The following FADS3 variants were observed in gnomAD, a reference collection of about 807,000 sequenced individuals.
FADS3 encodes cytochrome b5-related protein.
FADS3 carries 30 observed loss-of-function variants against 60.4 expected under a neutral mutation model. The ratio of observed to expected loss-of-function variants is 0.50; its 90% CI spans 0.37 to 0.67. The LOEUF (loss-of-function observed/expected upper bound fraction) is 0.67, where lower values mean the gene tolerates loss of function less well. Among genes scored for constraint, FADS3 ranks in the 30% least tolerant of loss-of-function variants. The pLI, the probability that FADS3 is intolerant of heterozygous loss-of-function variation, is 0.00. For synonymous variants in FADS3, 234 were observed against 249.3 expected (o/e 0.94, Z 0.58); for missense variants, 432 against 598.3 (o/e 0.72, Z 2.90).
chr11:61,873,736 G>A lies in FADS3; in HGVS notation c.*78C>T. On this transcript the variant is annotated 3_prime_UTR_variant, in exon 12 of 12. Transcript: ENST00000278829. ...CACCCCCAGGCTGGCCAGTGGAGGG[G>A]TGAGGGTATCGATCCCGCCGGGGGC... 3 of 995,836 alleles carry A rather than the reference G, an allele frequency of 3.0e-6. No individual in the cohort carries two copies. The highest frequency in any genetic ancestry group is 4.7e-6 in the Non-Finnish European group (3 of 638,066). 61.7% of individuals were successfully genotyped at this position (995,836 alleles called of 1,614,324 possible).
At chr11:61,878,126 C>A in intron 6 of FADS3, 29 bp downstream of exon 6, 1 of 1,607,618 alleles carries the variant, frequency 6.2e-7, no homozygotes, top group South Asian at 1.1e-5. Flanking sequence ...AGGCACTCCC[C>A]CACCCCAGAA....
Position 61,877,419 on chromosome 11 carries a change from C to T in FADS3, c.885+92G>A, listed in dbSNP as rs1295893415. On this transcript the variant is annotated intron_variant, in intron 7 of 11. Coordinates refer to ENST00000278829, the MANE Select transcript of FADS3 (RefSeq NM_021727.5). This position sits in a 1 kb window ranked among gnomAD's most constrained non-coding sequence, Gnocchi z 4.7. ...CACACTGTTGCACGCACATGTGCAC[C>T]CTGTTTGCCTTCATGGGCAGGTACT... 3 of 1,193,432 alleles carry T rather than the reference C, an allele frequency of 2.5e-6. No homozygotes were observed. The highest frequency in any genetic ancestry group is 1.5e-5 in the African/African-American group (1 of 67,000). The allele number at this position is 1,193,432 out of a possible 1,614,324, so 73.9% of individuals were successfully genotyped here.
At chr11:61,889,644 C>A (rs1175646965) in intron 1 of FADS3, among the ~76,000 whole-genome samples, 1 of 151,738 alleles carries the variant, frequency 6.6e-6, no homozygotes, top group African/African-American at 2.4e-5. Context: ...AAGACTCTGT[C>A]TCCGGCGGTT....
chr11:61,878,349 G>A (rs1937991234), intron 5 of FADS3, 134 bp from the exon 6 acceptor site: 1 of 1,367,312 alleles, frequency 7.3e-7, no homozygotes, highest in Non-Finnish European at 1.0e-6. Context: ...GTCGTCCCCA[G>A]CAGGTTGGGA....
intron 1 of FADS3, among the ~76,000 whole-genome samples, chr11:61,888,580 A>T (rs1938389703): frequency 6.6e-6 from 1 of 152,206 alleles, no homozygotes; most frequent in Non-Finnish European, 1.5e-5. Flanking sequence ...CCTACTTCAG[A>T]TAGGACCGTA....
At chr11:61,879,654 G>A (rs1156711167) in intron 2 of FADS3, 145 bp from the exon 3 acceptor site, 6 of 778,386 alleles carry the variant, frequency 7.7e-6, no homozygotes, top group Non-Finnish European at 1.2e-5. Context: ...AGCCCGGGGT[G>A]TGAGCTGGAG....
At chr11:61,888,132 C>G (rs1438169016) in intron 1 of FADS3, among the ~76,000 whole-genome samples, 1 of 152,256 alleles carries the variant, frequency 6.6e-6, no homozygotes, top group East Asian at 1.9e-4. Flanking sequence ...CTCAGACAAA[C>G]CTGGCCAAGG....
chr11:61,890,631 C>A (rs1938472222), intron 1 of FADS3, among the ~76,000 whole-genome samples: 1 of 152,172 alleles, frequency 6.6e-6, no homozygotes, highest in African/African-American at 2.4e-5. Context: ...CCAGGAGAGG[C>A]CCACCCAGCC....
In FADS3 at chr11:61,876,119, G is replaced by T; in HGVS notation, c.1152C>A (p.Ile384=). The change falls in exon 10 of 12, where the codon ATC becomes ATA. Residue 384 remains isoleucine, a synonymous_variant. Transcript: ENST00000278829. The surrounding 1 kb of genome is among the most constrained non-coding windows in gnomAD (Gnocchi z 5.7). ...NWFSGHLNFQ[I]EHHLFPRMPR... is the part of the protein sequence containing the mutation. The stretch of plus-strand genomic sequence containing the variant: ...CCAGCACCCACACTCACTGGTGCTC[G>T]ATCTGGAAGTTGAGGTGCCCGCTGA... 2 of 1,609,096 alleles carry T rather than the reference G, an allele frequency of 1.2e-6. No individual in the cohort carries two copies. The highest frequency in any genetic ancestry group is 2.2e-5 in the South Asian group (2 of 90,612).
In FADS3 at chr11:61,875,902, C is replaced by A. The variant is rs1489554088; in HGVS notation, c.1235G>T (p.Gly412Val). 1 of 1,613,820 alleles carries A rather than the reference C, an allele frequency of 6.2e-7. No individual in the cohort carries two copies. The highest frequency in any genetic ancestry group is 8.5e-7 in the Non-Finnish European group (1 of 1,180,030). ...GAAGGGCTTCACTTCGTAGCTGAGG[C>A]CGTGCTTGGCACACAGCGACTTGAC... The part of the protein sequence containing the change: ...PLVKSLCAKH[G>V]LSYEVKPFLT... Residue 412 changes from glycine to valine, a missense_variant, in exon 11 of 12, where the codon GGC becomes GTC. Physicochemically the swap from Gly to Val is moderately radical, Grantham distance 109. This residue lies in a region of FADS3 where 63 missense variants were observed against 64.5 expected (regional missense o/e 0.98). Coordinates refer to ENST00000278829, the MANE Select transcript of FADS3 (RefSeq NM_021727.5).
rs1490730633 is a variant in FADS3 at position 61,891,222 on chromosome 11, G to C, written c.160C>G (p.Arg54Gly). 1 of 1,553,692 alleles carries C rather than the reference G, an allele frequency of 6.4e-7. No homozygotes were observed. The highest frequency in any genetic ancestry group is 8.7e-7 in the Non-Finnish European group (1 of 1,150,450). The stretch of plus-strand genomic sequence containing the variant: ...ATGAGGCGGCTGCCCCCTGGGTGCC[G>C]CTGTGCCCAGCGGCTGATGTCGTAG... ...RVYDISRWAQ[R>G]HPGGSRLIGH... Residue 54 changes from arginine (R) to glycine (G), a missense_variant, in exon 1 of 12, where the codon CGG becomes GGG. Coordinates refer to ENST00000278829, the MANE Select transcript of FADS3 (RefSeq NM_021727.5).
In FADS3 at chr11:61,873,717, C is replaced by A; in HGVS notation, c.*97G>T. 1 of 841,340 alleles carries A rather than the reference C, an allele frequency of 1.2e-6. No homozygotes were observed. The highest frequency in any genetic ancestry group is 1.7e-5 in the African/African-American group (1 of 59,864). The allele number at this position is 841,340 out of a possible 1,614,324, so 52.1% of individuals were successfully genotyped here. A position where few individuals can be genotyped will look rare whatever the true frequency, so the allele number is the denominator to read the frequency against. On this transcript the variant is annotated 3_prime_UTR_variant, in exon 12 of 12. Coordinates refer to ENST00000278829, the MANE Select transcript of FADS3 (RefSeq NM_021727.5). ...ACCAGGAGGGCAGGCAGGGCACCCC[C>A]AGGCTGGCCAGTGGAGGGGTGAGGG...
chr11:61,873,780 CCT>C lies in FADS3; in HGVS notation c.*32_*33del, dbSNP rs1359414629. 4 of 1,590,150 alleles carry C rather than the reference CCT, an allele frequency of 2.5e-6. No homozygotes were observed. The highest frequency in any genetic ancestry group is 3.4e-6 in the Non-Finnish European group (4 of 1,164,956). On this transcript the variant is annotated 3_prime_UTR_variant, in exon 12 of 12. Transcript: ENST00000278829. Reference sequence around the variant, plus strand: ...CGGGGGCTGGCTTGGTTGCTGGTGCCCTGAGCCCTTCTCTGCCCGCCTGGGTG... The same window carrying C: ...CGGGGGCTGGCTTGGTTGCTGGTGCCGAGCCCTTCTCTGCCCGCCTGGGTG...
chr11:61,875,283 G>A lies in FADS3; in HGVS notation c.1286+568C>T, dbSNP rs561635592. ...TGCAAAGGCACAATCTCAGCTCACT[G>A]CAACCTCCGCCCCTGCGAGTTCAAG... On this transcript the variant is annotated intron_variant, in intron 11 of 11. Coordinates refer to ENST00000278829, the MANE Select transcript of FADS3 (RefSeq NM_021727.5). 1.4e-4 allele frequency among the ~76,000 whole-genome samples: 21 copies of A among 152,158 alleles called. No homozygotes were observed. In the South Asian group the frequency reaches 3.9e-3, roughly 29 times the overall value.
intron 1 of FADS3, chr11:61,890,412 T>A (rs1404665794): frequency 6.6e-6 from 1 of 152,182 alleles, no homozygotes; most frequent in African/African-American, 2.4e-5. Flanking sequence ...ACCTAGAAAT[T>A]TGGAGGGTCA....
At position 61,873,678 on chromosome 11, in the gene FADS3, G is replaced by A. The variant is rs1256896320; in HGVS notation, c.*136C>T. 2.8e-6 allele frequency: 2 copies of A among 707,362 alleles called. No individual in the cohort carries two copies. Among genetic ancestry groups the A allele is most frequent in the African/African-American group, 1.7e-5 (1 of 57,202 alleles). The allele number at this position is 707,362 out of a possible 1,614,324, so 43.8% of individuals were successfully genotyped here. Reference sequence around the variant, plus strand: ...TGAATACACATGTGAGGGGGCCGAGGGGAAGACAACAGTACCAGGAGGGCA... The same window carrying A: ...TGAATACACATGTGAGGGGGCCGAGAGGAAGACAACAGTACCAGGAGGGCA... On this transcript the variant is annotated 3_prime_UTR_variant, in exon 12 of 12. Transcript: ENST00000278829.
intron 11 of FADS3, among the ~76,000 whole-genome samples, chr11:61,874,167 C>A (rs1016113474): frequency 6.6e-6 from 1 of 152,250 alleles, no homozygotes. Flanking sequence ...TTCTCCATTG[C>A]TGCCTCCTGC....
At chr11:61,874,502 C>T (rs1292536923) in intron 11 of FADS3, among the ~76,000 whole-genome samples, 1 of 152,244 alleles carries the variant, frequency 6.6e-6, no homozygotes, top group African/African-American at 2.4e-5. Context: ...AGCCCCATCA[C>T]CCCTCGCCTG....
chr11:61,874,802 C>T (rs565330887), intron 11 of FADS3, among the ~76,000 whole-genome samples: 11 of 152,266 alleles, frequency 7.2e-5, no homozygotes, highest in African/African-American at 2.4e-4. Flanking sequence ...GAAACTGCCG[C>T]CCCTGCCTGG....
Sources: gnomAD v4.1 joint callset for allele counts (sites outside exome capture counted in the v4.1 genomes callset) on GRCh38, gnomAD v4.1.1 for gene constraint, gnomAD v4.1.1 regional missense constraint, Gnocchi (gnomAD v3.1) non-coding constraint, MANE v1.5 for transcripts, NCBI Gene and HGNC (gene_info 2026-07-23, HGNC 2026-07-21) for gene names.